SH3GL3: variants seen among roughly 807,000 people sequenced by gnomAD.
The protein encoded by SH3GL3 is SH3 domain containing GRB2 like 3, endophilin A3.
Under a neutral mutation model 47.7 loss-of-function variants are expected in SH3GL3, and 33 were observed. That is an observed-to-expected ratio of 0.69 (90% confidence interval 0.52 to 0.92). The LOEUF is 0.92. Among genes scored for constraint, SH3GL3 ranks in the 40% least tolerant of loss-of-function variants. SH3GL3 has a pLI of 0.00. For synonymous variants in SH3GL3, 155 were observed against 148.8 expected (o/e 1.04, Z -0.30); for missense variants, 363 against 417.8 (o/e 0.87, Z 1.14).
At chr15:83,579,582 G>A (rs1596301707) in intron 6 of SH3GL3, among the ~76,000 whole-genome samples, 1 of 152,154 alleles carries the variant, frequency 6.6e-6, no homozygotes, top group Non-Finnish European at 1.5e-5. Context: ...TGCGGTAATG[G>A]TGGTGATCGT....
At chr15:83,490,462 A>C (rs1010819552) in intron 1 of SH3GL3, among the ~76,000 whole-genome samples, 2 of 151,984 alleles carry the variant, frequency 1.3e-5, no homozygotes, top group Non-Finnish European at 2.9e-5. Flanking sequence ...TTTTCTGGTA[A>C]ATGTCATGGG....
chr15:83,616,262 T>TC (rs1326508567), intron 8 of SH3GL3, among the ~76,000 whole-genome samples: 2 of 148,432 alleles, frequency 1.3e-5, no homozygotes, highest in Non-Finnish European at 3.0e-5. Context: ...TTTTTTTTTT[T>TC]TTTTTTTTGA....
intron 1 of SH3GL3, among the ~76,000 whole-genome samples, chr15:83,461,765 G>A (rs772553465): frequency 6.6e-6 from 1 of 152,002 alleles, no homozygotes; most frequent in Non-Finnish European, 1.5e-5. Flanking sequence ...AGCCCACCTT[G>A]ATTTGGCCTT....
intron 1 of SH3GL3, among the ~76,000 whole-genome samples, chr15:83,475,323 T>C (rs1165471250): frequency 6.6e-6 from 1 of 151,512 alleles, no homozygotes; most frequent in Non-Finnish European, 1.5e-5. Context: ...ACTAAAAATA[T>C]AAAAAATTAA....
chr15:83,507,346 T>C (rs1027848789), intron 1 of SH3GL3, among the ~76,000 whole-genome samples: 1 of 151,786 alleles, frequency 6.6e-6, no homozygotes, highest in Non-Finnish European at 1.5e-5. Context: ...TTTACTGATA[T>C]CTTTTGTTGG....
intron 4 of SH3GL3, among the ~76,000 whole-genome samples, chr15:83,571,298 C>T (rs2045804903): frequency 6.6e-6 from 1 of 152,186 alleles, no homozygotes. Flanking sequence ...GCGAAATGAG[C>T]TGACATTGTG....
downstream of SH3GL3, among the ~76,000 whole-genome samples, chr15:83,619,969 T>C (rs570500430): frequency 6.6e-6 from 1 of 152,384 alleles, no homozygotes; most frequent in South Asian, 2.1e-4. Context: ...TGTAATATTC[T>C]AAATCCTTTG....
intron 1 of SH3GL3, among the ~76,000 whole-genome samples, chr15:83,525,323 T>C (rs1221563416): frequency 1.3e-5 from 2 of 150,474 alleles, no homozygotes; most frequent in Admixed American, 6.7e-5. Context: ...GTCTATTCAA[T>C]ATGCTATTTT....
chr15:83,581,651 G>T (rs532874342), intron 6 of SH3GL3, among the ~76,000 whole-genome samples: 1 of 152,178 alleles, frequency 6.6e-6, no homozygotes, highest in South Asian at 2.1e-4. Flanking sequence ...TGCCACTCCC[G>T]TAATCTCACC....
At chr15:83,597,669 G>A (rs2060269124) in intron 8 of SH3GL3, among the ~76,000 whole-genome samples, 1 of 151,682 alleles carries the variant, frequency 6.6e-6, no homozygotes, top group African/African-American at 2.4e-5. Context: ...GAGTGCAATG[G>A]TACGATCTCG....
the SH3GL3 span, among the ~76,000 whole-genome samples, chr15:83,631,892 T>G: frequency 4.6e-5 from 7 of 152,218 alleles, no homozygotes; most frequent in African/African-American, 1.7e-4. Flanking sequence ...GGCTTGAATT[T>G]CTCCCCATAA....
At chr15:83,520,168 C>T (rs1424812957) in intron 1 of SH3GL3, among the ~76,000 whole-genome samples, 1 of 152,090 alleles carries the variant, frequency 6.6e-6, no homozygotes, top group African/African-American at 2.4e-5. Flanking sequence ...CTAGGGAACC[C>T]AAATCTTTTA....
intron 1 of SH3GL3, among the ~76,000 whole-genome samples, chr15:83,536,901 A>C (rs1011606631): frequency 2.0e-5 from 3 of 152,180 alleles, no homozygotes; most frequent in African/African-American, 7.2e-5. Context: ...GGATCATTCT[A>C]AAGTTTCCTC....
rs141363380 is a variant in SH3GL3 at position 83,579,039 on chromosome 15, C to T, written c.624+2298C>T. 1.3e-3 allele frequency among the ~76,000 whole-genome samples: 195 copies of T among 152,304 alleles called. 1 individual carries two copies. The highest frequency in any genetic ancestry group is 4.5e-3 in the African/African-American group (188 of 41,576). On this transcript the variant is annotated intron_variant, in intron 6 of 8. Coordinates refer to ENST00000427482, the MANE Select transcript of SH3GL3 (RefSeq NM_003027.5). ...TGAGGGAAGCCTGTCTGAGCCACGC[C>T]GGCCTTAGCAGTTGACCCAAGAGAC...
intron 1 of SH3GL3, among the ~76,000 whole-genome samples, chr15:83,490,232 A>G (rs1321908787): frequency 1.4e-5 from 2 of 143,294 alleles, no homozygotes; most frequent in African/African-American, 2.6e-5. Context: ...CTGCTGTGGG[A>G]TTGTGTTAAC....
At chr15:83,564,800 A>T (rs1381802654) in intron 2 of SH3GL3, among the ~76,000 whole-genome samples, 1 of 152,206 alleles carries the variant, frequency 6.6e-6, no homozygotes, top group Non-Finnish European at 1.5e-5. Flanking sequence ...TTTGGTTCAT[A>T]TCTAGTGTTA....
At chr15:83,458,381 C>T (rs1215548094) in intron 1 of SH3GL3, among the ~76,000 whole-genome samples, 2 of 152,326 alleles carry the variant, frequency 1.3e-5, no homozygotes, top group Non-Finnish European at 2.9e-5. Flanking sequence ...CAGTGGCCTT[C>T]CTGAGCCAGG....
chr15:83,462,016 T>G (rs895849713), intron 1 of SH3GL3, among the ~76,000 whole-genome samples: 1 of 152,254 alleles, frequency 6.6e-6, no homozygotes, highest in Non-Finnish European at 1.5e-5. Context: ...TCTTAAATTC[T>G]TCTAGGTTCC....
intron 1 of SH3GL3, among the ~76,000 whole-genome samples, chr15:83,456,638 G>A (rs1053687621): frequency 8.8e-4 from 122 of 138,310 alleles, no homozygotes; most frequent in Non-Finnish European, 1.5e-3. Flanking sequence ...GCGCTTCCCA[G>A]GTGAGGCAAT....
Sources: gnomAD v4.1 joint callset for allele counts (sites outside exome capture counted in the v4.1 genomes callset) on GRCh38, gnomAD v4.1.1 for gene constraint, MANE v1.5 for transcripts, NCBI Gene and HGNC (gene_info 2026-07-23, HGNC 2026-07-21) for gene names.